The following CELF2 variants were observed in gnomAD, a reference collection of about 807,000 sequenced individuals.
The protein encoded by CELF2 is CUG triplet repeat RNA-binding protein 2.
A neutral mutation model predicts 62.6 loss-of-function variants in CELF2; 8 were observed. That is an observed-to-expected ratio of 0.13 (90% confidence interval 0.07 to 0.23). The LOEUF (loss-of-function observed/expected upper bound fraction) is 0.23, where lower values mean the gene tolerates loss of function less well. Among genes scored for constraint, CELF2 ranks in the 10% least tolerant of loss-of-function variants. The pLI, the probability that CELF2 is intolerant of heterozygous loss-of-function variation, is 1.00. For synonymous variants in CELF2, 258 were observed against 250.0 expected, an observed-to-expected ratio of 1.03 and a Z score of -0.30; for missense variants, 333 against 671.0, an observed-to-expected ratio of 0.50 and a Z score of 5.56.
chr10:10,598,785 G>A, the CELF2 span, among the ~76,000 whole-genome samples: 1 of 76,938 alleles, frequency 1.3e-5, no homozygotes, highest in Admixed American at 2.0e-4. Context: ...TTTTGAGACA[G>A]AGTCTCCCTC....
intron 1 of CELF2, among the ~76,000 whole-genome samples, chr10:10,849,199 C>T (rs2059215310): frequency 6.6e-6 from 1 of 151,260 alleles, no homozygotes; most frequent in Non-Finnish European, 1.5e-5. Context: ...GAGTTCGAGA[C>T]CAGCCTGGCC....
the CELF2 span, among the ~76,000 whole-genome samples, chr10:10,598,778 T>G: frequency 7.0e-6 from 1 of 142,432 alleles, no homozygotes; most frequent in Non-Finnish European, 1.5e-5. Flanking sequence ...TTTTTTTTTT[T>G]GAGACAGAGT....
At chr10:11,034,421 A>T (rs921368124) in intron 1 of CELF2, among the ~76,000 whole-genome samples, 1 of 151,590 alleles carries the variant, frequency 6.6e-6, no homozygotes, top group African/African-American at 2.4e-5. Flanking sequence ...TGTGTTCCTT[A>T]TTACTAAGAA....
At chr10:10,561,177 A>T in the CELF2 span, among the ~76,000 whole-genome samples, 3 of 152,326 alleles carry the variant, frequency 2.0e-5, no homozygotes, top group African/African-American at 7.2e-5. Flanking sequence ...TAAAATTTTT[A>T]AAAATTTCCT....
the CELF2 span, among the ~76,000 whole-genome samples, chr10:10,538,457 C>A: frequency 0.01 from 1,596 of 152,240 alleles, 23 homozygotes; most frequent in African/African-American, 0.036. Flanking sequence ...CTTTGCCACT[C>A]CCTATGCTTG....
At chr10:10,622,783 G>A in the CELF2 span, among the ~76,000 whole-genome samples, 1 of 152,080 alleles carries the variant, frequency 6.6e-6, no homozygotes, top group East Asian at 1.9e-4. Flanking sequence ...GGCTTTGGAA[G>A]CAGGTGATAA....
chr10:10,537,472 C>T, the CELF2 span, among the ~76,000 whole-genome samples: 2 of 152,154 alleles, frequency 1.3e-5, no homozygotes, highest in Non-Finnish European at 2.9e-5. Flanking sequence ...TGGAGAGCCA[C>T]CTACCATAGG....
chr10:10,801,075 T>TAA (rs57647636), intron 1 of CELF2, among the ~76,000 whole-genome samples: 8,378 of 150,778 alleles, frequency 0.056, 293 homozygotes, highest in African/African-American at 0.099. Context: ...AACCCGTTTT[T>TAA]AAAAAAAAAA....
At chr10:10,876,445 G>C (rs1421809592) in intron 1 of CELF2, among the ~76,000 whole-genome samples, 1 of 152,148 alleles carries the variant, frequency 6.6e-6, no homozygotes, top group African/African-American at 2.4e-5. Context: ...TCCTGCCACT[G>C]ATCAGAATTA....
rs1226382651 is a variant in CELF2 at position 11,318,007 on chromosome 10, A to G, written c.1097-3182A>G. The G allele has an allele frequency of 2.0e-5, 3 of 152,220 alleles. No homozygotes were observed. The highest frequency in any genetic ancestry group is 6.5e-5 in the Admixed American group (1 of 15,288). The allele number at this position is 152,220 out of a possible 1,614,324, so 9.4% of individuals were successfully genotyped here. On this transcript the variant is annotated intron_variant, in intron 10 of 12. Coordinates refer to ENST00000633077, the MANE Select transcript of CELF2 (RefSeq NM_001326342.2). This position sits in a 1 kb window ranked among gnomAD's most constrained non-coding sequence, Gnocchi z 5.4. The stretch of plus-strand genomic sequence containing the variant: ...AAGCCCTATTCTTTTAAGTGGAAGC[A>G]TTTTATTCAACTTGACTTTCTTCAC...
chr10:10,594,248 C>T, the CELF2 span, among the ~76,000 whole-genome samples: 35 of 152,172 alleles, frequency 2.3e-4, no homozygotes, highest in Non-Finnish European at 3.5e-4. Context: ...GCTTAGGTGA[C>T]TGGTGGACTA....
At chr10:10,569,033 A>C in the CELF2 span, among the ~76,000 whole-genome samples, 1 of 152,202 alleles carries the variant, frequency 6.6e-6, no homozygotes, top group Non-Finnish European at 1.5e-5. Context: ...CTTAGAAAGA[A>C]GATATCACCA....
chr10:10,690,402 T>C, the CELF2 span, among the ~76,000 whole-genome samples: 2 of 152,334 alleles, frequency 1.3e-5, no homozygotes, highest in African/African-American at 4.8e-5. Flanking sequence ...CTAAGTGTTA[T>C]CATGTGTATG....
chr10:10,835,672 C>T (rs58711285), intron 1 of CELF2, among the ~76,000 whole-genome samples: 11,074 of 152,212 alleles, frequency 0.073, 638 homozygotes, highest in East Asian at 0.19. Flanking sequence ...TGTGAGCCAC[C>T]ACGCCCAGCC....
intron 1 of CELF2, among the ~76,000 whole-genome samples, chr10:10,812,476 C>T (rs768859495): frequency 3.9e-5 from 6 of 152,176 alleles, no homozygotes; most frequent in Non-Finnish European, 8.8e-5. Flanking sequence ...TTAGAGGGCA[C>T]CTGAGAGATC....
At chr10:11,273,667 C>T (rs1042175196) in intron 7 of CELF2, among the ~76,000 whole-genome samples, 2 of 152,068 alleles carry the variant, frequency 1.3e-5, no homozygotes, top group African/African-American at 4.8e-5. Flanking sequence ...CCCAGAGGAA[C>T]GGTGTTCTGG....
At chr10:10,961,760 G>GAA (rs67279619) in intron 2 of CELF2, among the ~76,000 whole-genome samples, 2 of 141,430 alleles carry the variant, frequency 1.4e-5, no homozygotes, top group Non-Finnish European at 3.1e-5. Flanking sequence ...CAAAAAAAAA[G>GAA]AAAAAAAAAA....
chr10:11,288,662 G>T (rs1417998431), intron 9 of CELF2, 110 bp downstream of exon 9: 53 of 1,241,082 alleles, frequency 4.3e-5, no homozygotes, highest in Admixed American at 1.0e-4. Flanking sequence ...GATGGAGCCG[G>T]GATACTATAC....
At chr10:10,484,411 G>C in the CELF2 span, among the ~76,000 whole-genome samples, 1 of 137,688 alleles carries the variant, frequency 7.3e-6, no homozygotes, top group African/African-American at 2.8e-5. Context: ...CTGCCCCCTG[G>C]GTTCACGCGA....
Sources: gnomAD v4.1 joint callset for allele counts (sites outside exome capture counted in the v4.1 genomes callset) on GRCh38, gnomAD v4.1.1 for gene constraint, Gnocchi (gnomAD v3.1) non-coding constraint, MANE v1.5 for transcripts, NCBI Gene and HGNC (gene_info 2026-07-23, HGNC 2026-07-21) for gene names.